ENTREP3: variants seen among roughly 807,000 people sequenced by gnomAD.
The protein encoded by ENTREP3 is endosomal transmembrane epsin interactor 3, also known as protein ENTREP3.
chr1:155,255,044 G>T, the ENTREP3 span: 2 of 614,436 alleles, frequency 3.3e-6, no homozygotes, highest in East Asian at 2.8e-5. The surrounding 1 kb of genome is among the most constrained non-coding windows in gnomAD (Gnocchi z 5.6). Flanking sequence ...CTGTGGGGGG[G>T]GCCAAGCGAG....
chr1:155,247,363 C>T, the ENTREP3 span: 1 of 481,872 alleles, frequency 2.1e-6, no homozygotes. Flanking sequence ...AGCTGAGAGG[C>T]CACCTAGATT....
At chr1:155,254,204 A>T in the ENTREP3 span, 1 of 1,606,694 alleles carries the variant, frequency 6.2e-7, no homozygotes, top group Non-Finnish European at 8.5e-7. This position sits in a 1 kb window ranked among gnomAD's most constrained non-coding sequence, Gnocchi z 4.4. Context: ...TCTGGGGAAA[A>T]CAGGGTGCAG....
chr1:155,251,869 GT>G, the ENTREP3 span: 1 of 1,504,512 alleles, frequency 6.6e-7, no homozygotes, highest in Non-Finnish European at 8.8e-7. Flanking sequence ...CAGCCCAGAG[GT>G]CCCAGTGGGC....
chr1:155,252,419 G>T, the ENTREP3 span, among the ~76,000 whole-genome samples: 1 of 151,480 alleles, frequency 6.6e-6, no homozygotes, highest in Non-Finnish European at 1.5e-5. Flanking sequence ...GCCCAGGCTG[G>T]AGTACAATGG....
the ENTREP3 span, chr1:155,250,974 A>G: frequency 1.4e-3 from 1,739 of 1,242,220 alleles, 24 homozygotes; most frequent in African/African-American, 0.024. This position sits in a 1 kb window ranked among gnomAD's most constrained non-coding sequence, Gnocchi z 5.4. Flanking sequence ...CCAAGTTGCC[A>G]CAGCCCTCCT....
At chr1:155,248,182 C>G in the ENTREP3 span, 1 of 1,611,738 alleles carries the variant, frequency 6.2e-7, no homozygotes, top group South Asian at 1.1e-5. Context: ...GTGCAGGGCC[C>G]GAGGGCAGGG....
At chr1:155,247,622 A>G in the ENTREP3 span, 3 of 761,308 alleles carry the variant, frequency 3.9e-6, no homozygotes, top group South Asian at 4.5e-5. Context: ...AGCAGAGGCA[A>G]GCAGCAAGAG....
the ENTREP3 span, chr1:155,254,258 G>C: frequency 4.7e-6 from 7 of 1,496,192 alleles, no homozygotes; most frequent in Non-Finnish European, 6.5e-6. This position sits in a 1 kb window ranked among gnomAD's most constrained non-coding sequence, Gnocchi z 4.4. Context: ...GCCACGGACA[G>C]AGTCCCCCTC....
the ENTREP3 span, chr1:155,253,945 G>A: frequency 2.5e-6 from 4 of 1,612,888 alleles, no homozygotes; most frequent in South Asian, 3.3e-5. Context: ...CGGAGGAGGG[G>A]AACAGAGGGA....
chr1:155,250,097 C>CA, the ENTREP3 span, among the ~76,000 whole-genome samples: 1 of 152,082 alleles, frequency 6.6e-6, no homozygotes, highest in African/African-American at 2.4e-5. This position sits in a 1 kb window ranked among gnomAD's most constrained non-coding sequence, Gnocchi z 5.4. Flanking sequence ...AGCTGCTAAG[C>CA]TATGGATGTT....
chr1:155,248,383 G>A, the ENTREP3 span: 4 of 1,614,080 alleles, frequency 2.5e-6, no homozygotes, highest in Non-Finnish European at 3.4e-6. Flanking sequence ...CCCATCCCTG[G>A]GGCGCAAACC....
chr1:155,249,500 T>A, the ENTREP3 span, among the ~76,000 whole-genome samples: 6 of 151,890 alleles, frequency 4.0e-5, no homozygotes, highest in Non-Finnish European at 8.8e-5. Flanking sequence ...ATAAATCCTT[T>A]TGGGAGGCCG....
At chr1:155,252,155 T>G in the ENTREP3 span, 1 of 428,968 alleles carries the variant, frequency 2.3e-6, no homozygotes, top group East Asian at 3.7e-5. Flanking sequence ...GCTCCACACA[T>G]TCTGTGTCTT....
chr1:155,255,037 T>TG, the ENTREP3 span: 382 of 615,072 alleles, frequency 6.2e-4, 1 homozygote, highest in South Asian at 1.6e-3. The surrounding 1 kb of genome is among the most constrained non-coding windows in gnomAD (Gnocchi z 5.6). Flanking sequence ...ACGCCAGCTG[T>TG]GGGGGGGGCC....
the ENTREP3 span, among the ~76,000 whole-genome samples, chr1:155,248,633 G>A: frequency 6.7e-6 from 1 of 148,890 alleles, no homozygotes. Context: ...CCAGCAACTA[G>A]ATGGTACAAT....
the ENTREP3 span, chr1:155,250,674 C>G: frequency 6.2e-7 from 1 of 1,612,472 alleles, no homozygotes; most frequent in Non-Finnish European, 8.5e-7. This position sits in a 1 kb window ranked among gnomAD's most constrained non-coding sequence, Gnocchi z 5.4. Context: ...GTAGCCGGCA[C>G]GGCTGCGCTG....
the ENTREP3 span, chr1:155,253,540 A>T: frequency 4.5e-6 from 4 of 879,976 alleles, no homozygotes; most frequent in East Asian, 9.9e-5. Flanking sequence ...CCAGATCTGT[A>T]GCCATTGTTC....
At chr1:155,249,906 ATAT>A in the ENTREP3 span, among the ~76,000 whole-genome samples, 1 of 147,432 alleles carries the variant, frequency 6.8e-6, no homozygotes, top group East Asian at 2.0e-4. Context: ...AAAAAAAAAA[ATAT>A]TAGCCGGTCA....
chr1:155,250,315 A>G, the ENTREP3 span: 1 of 1,545,158 alleles, frequency 6.5e-7, no homozygotes, highest in Non-Finnish European at 8.7e-7. This position sits in a 1 kb window ranked among gnomAD's most constrained non-coding sequence, Gnocchi z 5.4. Context: ...TCGCTGTGGG[A>G]CCGTGGCAGC....
Sources: gnomAD v4.1 joint callset for allele counts (sites outside exome capture counted in the v4.1 genomes callset) on GRCh38, gnomAD v4.1.1 for gene constraint, Gnocchi (gnomAD v3.1) non-coding constraint, MANE v1.5 for transcripts, NCBI Gene and HGNC (gene_info 2026-07-23, HGNC 2026-07-21) for gene names.